The following EBF4 variants were observed in gnomAD, a reference collection of about 807,000 sequenced individuals.
EBF4 encodes transcription factor COE4.
EBF4 carries 34 observed loss-of-function variants against 67.1 expected under a neutral mutation model. The observed-to-expected ratio is 0.51, with a 90% CI of 0.39 to 0.67. EBF4 has a LOEUF of 0.67. Ranked by LOEUF, EBF4 falls within the 30% of genes least tolerant of loss-of-function variation. The pLI, the probability that EBF4 is intolerant of heterozygous loss-of-function variation, is 0.00. For missense variants in EBF4, 837 were observed against 873.3 expected (o/e 0.96, Z 0.52); for synonymous variants, 387 against 377.7 (o/e 1.02, Z -0.29).
intron 1 of EBF4, among the ~76,000 whole-genome samples, chr20:2,702,023 C>A (rs981116067): frequency 1.3e-5 from 2 of 152,178 alleles, no homozygotes; most frequent in Non-Finnish European, 2.9e-5. Flanking sequence ...CGATCAAGGC[C>A]TCAACTTGAA....
chr20:2,750,768 A>T (rs1483561048), intron 10 of EBF4, among the ~76,000 whole-genome samples: 1 of 152,120 alleles, frequency 6.6e-6, no homozygotes, highest in Non-Finnish European at 1.5e-5. Flanking sequence ...GCTGACAATC[A>T]AGGAAAACCT....
At position 2,707,837 on chromosome 20, in the gene EBF4, G is replaced by T; in HGVS notation, c.415-110G>T. On this transcript the variant is annotated intron_variant, in intron 4 of 16. Coordinates refer to ENST00000609451, the Ensembl canonical transcript of EBF4. The surrounding 1 kb of genome is among the most constrained non-coding windows in gnomAD (Gnocchi z 4.6). ...GGCAGAGGGCGTGCTCTTCCCTGGG[G>T]CAGGGTCTCCCTGGGCCTAGGCTTG... The T allele has an allele frequency of 1.8e-6, 2 of 1,101,992 alleles. No individual in the cohort carries two copies. Among genetic ancestry groups the T allele is most frequent in the South Asian group, 1.8e-5 (1 of 57,034 alleles). The allele number at this position is 1,101,992 out of a possible 1,614,324, so 68.3% of individuals were successfully genotyped here. A position where few individuals can be genotyped will look rare whatever the true frequency, so the allele number is the denominator to read the frequency against.
intron 14 of EBF4, among the ~76,000 whole-genome samples, chr20:2,754,437 G>T (rs1225445128): frequency 1.3e-5 from 2 of 152,210 alleles, no homozygotes; most frequent in African/African-American, 4.8e-5. Context: ...GGCATTGAGA[G>T]CTATAGTACA....
intron 6 of EBF4, among the ~76,000 whole-genome samples, chr20:2,718,351 T>G (rs79532151): frequency 1.4e-4 from 21 of 152,346 alleles, no homozygotes; most frequent in Non-Finnish European, 3.1e-4. Context: ...TTTGAAGAGC[T>G]TGTGTGGAAC....
At chr20:2,705,518 C>A in intron 1 of EBF4, 59 bp from the exon 2 acceptor site, 1 of 1,550,802 alleles carries the variant, frequency 6.4e-7, no homozygotes, top group Non-Finnish European at 8.7e-7. Context: ...GCCCGAGGCG[C>A]TGGAGTCTTT....
At chr20:2,742,616 T>C (rs2146478642) in intron 6 of EBF4, among the ~76,000 whole-genome samples, 1 of 152,254 alleles carries the variant, frequency 6.6e-6, no homozygotes, top group South Asian at 2.1e-4. Context: ...TGGGCACTGG[T>C]CCTGCAGTGG....
At chr20:2,694,487 G>T (rs1474649035) in intron 1 of EBF4, among the ~76,000 whole-genome samples, 1 of 152,180 alleles carries the variant, frequency 6.6e-6, no homozygotes, top group Admixed American at 6.5e-5. Context: ...TTGACTCCAG[G>T]ATTTGAAAGC....
Position 2,696,277 on chromosome 20 carries a change from G to T in EBF4, c.137+2495G>T, listed in dbSNP as rs759078463. 3.9e-5 allele frequency among the ~76,000 whole-genome samples: 6 copies of T among 152,190 alleles called. No individual in the cohort carries two copies. Among genetic ancestry groups the T allele is most frequent in the Non-Finnish European group, 7.3e-5 (5 of 68,030 alleles). On this transcript the variant is annotated intron_variant, in intron 1 of 16. Coordinates refer to ENST00000609451, the Ensembl canonical transcript of EBF4. The surrounding 1 kb of genome is among the most constrained non-coding windows in gnomAD (Gnocchi z 4.7). Reference sequence around the variant, plus strand: ...ACTTGAGGCCAGGAGTTCGAGACCAGCCTAGCCAACATGGTGAAACCCTGT... The same window carrying T: ...ACTTGAGGCCAGGAGTTCGAGACCATCCTAGCCAACATGGTGAAACCCTGT...
At position 2,707,866 on chromosome 20, in the gene EBF4, G is replaced by GATGCC; in HGVS notation, c.415-79_415-75dup. On this transcript the variant is annotated intron_variant, in intron 4 of 16. Transcript: ENST00000609451. The surrounding 1 kb of genome is among the most constrained non-coding windows in gnomAD (Gnocchi z 4.6). ...GGTCTCCCTGGGCCTAGGCTTGGGA[G>GATGCC]ATGCCAGGTCCGTCTGTGCTGCCAC... The GATGCC allele has an allele frequency of 7.3e-7, 1 of 1,373,996 alleles. No homozygotes were observed. Among genetic ancestry groups the GATGCC allele is most frequent in the Non-Finnish European group, 9.9e-7 (1 of 1,011,950 alleles). 85.1% of individuals were successfully genotyped at this position (1,373,996 alleles called of 1,614,324 possible).
intron 6 of EBF4, among the ~76,000 whole-genome samples, chr20:2,734,852 G>T (rs1320034985): frequency 6.6e-6 from 1 of 152,144 alleles, no homozygotes; most frequent in African/African-American, 2.4e-5. Flanking sequence ...ACTCTGCCTT[G>T]ACCTTCACTT....
At chr20:2,702,488 TTA>T (rs2087391039) in intron 1 of EBF4, among the ~76,000 whole-genome samples, 1 of 151,910 alleles carries the variant, frequency 6.6e-6, no homozygotes, top group African/African-American at 2.4e-5. Context: ...ACAAGAAGAC[TTA>T]TGGCTTCTGC....
chr20:2,751,813 G>T lies in EBF4; in HGVS notation c.1107+25G>T. 6.5e-7 allele frequency: 1 copy of T among 1,546,552 alleles called. No homozygotes were observed. The highest frequency in any genetic ancestry group is 8.7e-7 in the Non-Finnish European group (1 of 1,144,968). On this transcript the variant is annotated intron_variant, in intron 11 of 16. Coordinates refer to ENST00000609451, the Ensembl canonical transcript of EBF4. This position sits in a 1 kb window ranked among gnomAD's most constrained non-coding sequence, Gnocchi z 5.2. ...GGTACTCAGAGGGGCGGGGCGGGGC[G>T]GGGCTGAGGGTGTCCTGTGGGCAAG...
At chr20:2,742,690 C>G (rs1189963807) in intron 6 of EBF4, among the ~76,000 whole-genome samples, 1 of 152,170 alleles carries the variant, frequency 6.6e-6, no homozygotes, top group African/African-American at 2.4e-5. Context: ...TTACTCCTCC[C>G]CACTCCCTGC....
chr20:2,748,683 G>A (rs1205193810), intron 7 of EBF4, 53 bp downstream of exon 7: 3 of 1,519,022 alleles, frequency 2.0e-6, no homozygotes, highest in African/African-American at 2.8e-5. Flanking sequence ...CCTGATGGAG[G>A]GGAGGGGAGG....
At position 2,744,242 on chromosome 20, in the gene EBF4, G is replaced by A. The variant is rs113896280; in HGVS notation, c.558-4307G>A. ...ATTACAGGCGCCTGCCACCACGCCC[G>A]GCTAATTTTTATATCAGGTCATCAA... On this transcript the variant is annotated intron_variant, in intron 6 of 16. Coordinates refer to ENST00000609451, the Ensembl canonical transcript of EBF4. Among the ~76,000 whole-genome samples, 186 of 151,216 alleles carry A rather than the reference G, an allele frequency of 1.2e-3. 1 individual carries two copies. The highest frequency in any genetic ancestry group is 3.9e-3 in the African/African-American group (161 of 41,272).
intron 10 of EBF4, 69 bp downstream of exon 10, chr20:2,750,042 C>T (rs1454536901): frequency 2.7e-6 from 4 of 1,482,460 alleles, no homozygotes; most frequent in African/African-American, 1.4e-5. Flanking sequence ...GCACTGGTCT[C>T]CGTTCTTGGT....
At chr20:2,752,706 C>T (rs1027495899) in intron 14 of EBF4, among the ~76,000 whole-genome samples, 161 bp downstream of exon 14, 1 of 152,214 alleles carries the variant, frequency 6.6e-6, no homozygotes, top group African/African-American at 2.4e-5. Context: ...CTGGGACCTC[C>T]CCTGCCGCAG....
intron 14 of EBF4, among the ~76,000 whole-genome samples, 162 bp downstream of exon 14, chr20:2,752,707 C>T (rs951916753): frequency 6.6e-6 from 1 of 152,236 alleles, no homozygotes; most frequent in Non-Finnish European, 1.5e-5. Context: ...TGGGACCTCC[C>T]CTGCCGCAGA....
rs1452414046 is a variant in EBF4, at chr20:2,749,992, G to T, written c.1018+19G>T. On this transcript the variant is annotated intron_variant, in intron 10 of 16. Transcript: ENST00000609451. ...TACACAGGTAAGGAGTCGGGCGGGG[G>T]AGTGGAGGTCTAAGGTGCGCGGAGG... The T allele has an allele frequency of 1.9e-6, 3 of 1,543,168 alleles. No homozygotes were observed. Among genetic ancestry groups the T allele is most frequent in the South Asian group, 1.2e-5 (1 of 82,648 alleles).
Sources: gnomAD v4.1 joint callset for allele counts (sites outside exome capture counted in the v4.1 genomes callset) on GRCh38, gnomAD v4.1.1 for gene constraint, Gnocchi (gnomAD v3.1) non-coding constraint, MANE v1.5 for transcripts, NCBI Gene and HGNC (gene_info 2026-07-23, HGNC 2026-07-21) for gene names.